The following INO80C variants were observed in gnomAD, a reference collection of about 807,000 sequenced individuals.
INO80C encodes the protein IES6 homolog.
INO80C carries 17 observed loss-of-function variants against 17.7 expected under a neutral mutation model. The ratio of observed to expected loss-of-function variants is 0.96; its 90% CI spans 0.66 to 1.44. The LOEUF (loss-of-function observed/expected upper bound fraction) is 1.44, where lower values mean the gene tolerates loss of function less well. Ranked by LOEUF, INO80C falls within the 40% of genes most tolerant of loss-of-function variation. The pLI is 0.00. For synonymous variants in INO80C, 96 were observed against 95.8 expected (o/e 1.00, Z -0.01); for missense variants, 244 against 245.0 (o/e 1.00, Z 0.03).
chr18:35,478,110 GC>G (rs1361131204), intron 4 of INO80C, among the ~76,000 whole-genome samples, 171 bp downstream of exon 4: 8 of 152,206 alleles, frequency 5.3e-5, no homozygotes, highest in Non-Finnish European at 1.0e-4. Flanking sequence ...CCTGCAGGCT[GC>G]CCCCACAGAT....
At chr18:35,479,999 T>A (rs1361174485) in intron 2 of INO80C, among the ~76,000 whole-genome samples, 1 of 151,780 alleles carries the variant, frequency 6.6e-6, no homozygotes, top group Non-Finnish European at 1.5e-5. Flanking sequence ...TAAAAAAAAA[T>A]TTAACAGTAT....
At chr18:35,494,606 G>A (rs748861991) in intron 1 of INO80C, among the ~76,000 whole-genome samples, 10 of 152,178 alleles carry the variant, frequency 6.6e-5, no homozygotes, top group Admixed American at 2.0e-4. Context: ...CAGTCCTGCC[G>A]CCCCAAAAGA....
At chr18:35,489,377 A>C (rs1421535487) in intron 1 of INO80C, 1 of 260,078 alleles carries the variant, frequency 3.8e-6, no homozygotes, top group African/African-American at 2.3e-5. Context: ...TGGAAGGCGA[A>C]AGGCACGTCT....
chr18:35,472,821 T>A lies in INO80C; in HGVS notation c.448-4079A>T, dbSNP rs9955099. Among the ~76,000 whole-genome samples the A allele has an allele frequency of 3.4e-3, 514 of 152,348 alleles. 2 individuals are homozygous for A. The highest frequency in any genetic ancestry group is 0.011 in the African/African-American group (471 of 41,572). On this transcript the variant is annotated intron_variant, in intron 4 of 4. Coordinates refer to ENST00000334598, the MANE Select transcript of INO80C (RefSeq NM_194281.4). ...GATGAGTCTTTCTCCTAATTACTAG[T>A]GAAGCTGAATATCTACTTATTGGTC... is the stretch of plus-strand genomic sequence containing the variant.
At position 35,468,530 on chromosome 18, in the gene INO80C, G is replaced by A. The variant is rs1210788747; in HGVS notation, c.*81C>T. 31 of 1,594,448 alleles carry A rather than the reference G, an allele frequency of 1.9e-5. No homozygotes were observed. Among genetic ancestry groups the A allele is most frequent in the South Asian group, 1.3e-4 (12 of 89,816 alleles). On this transcript the variant is annotated 3_prime_UTR_variant, in exon 5 of 5. Coordinates refer to ENST00000334598, the MANE Select transcript of INO80C (RefSeq NM_194281.4). ...GGCATTTTCAGATTGACAGCAGAAC[G>A]AGTTTGTTTCCGTGAAACAAAATCA...
chr18:35,490,902 G>A (rs1022298774), intron 1 of INO80C, among the ~76,000 whole-genome samples: 5 of 152,026 alleles, frequency 3.3e-5, no homozygotes, highest in East Asian at 1.9e-4. Flanking sequence ...CTAGGACTAC[G>A]GGTGCACACT....
chr18:35,497,642 C>A, intron 1 of INO80C, 77 bp downstream of exon 1: 1 of 1,523,776 alleles, frequency 6.6e-7, no homozygotes, highest in South Asian at 1.2e-5. Flanking sequence ...ACATTACGCA[C>A]GCGCCCTGGC....
At chr18:35,479,094 C>T (rs1009208489) in intron 3 of INO80C, 1 of 464,278 alleles carries the variant, frequency 2.2e-6, no homozygotes, top group Middle Eastern at 5.1e-4. Context: ...AACCACACAT[C>T]CATGACAACA....
chr18:35,478,457 T>C, intron 3 of INO80C, 108 bp from the exon 4 acceptor site: 2 of 860,652 alleles, frequency 2.3e-6, no homozygotes, highest in Non-Finnish European at 3.5e-6. Context: ...AAATTTCCTT[T>C]GTGATTAAGT....
intron 1 of INO80C, among the ~76,000 whole-genome samples, chr18:35,495,975 G>A (rs1249311183): frequency 1.3e-5 from 2 of 152,120 alleles, no homozygotes; most frequent in Non-Finnish European, 2.9e-5. Flanking sequence ...CAACAAAATG[G>A]CTAAAAGTTA....
chr18:35,495,239 G>C (rs916710971), intron 1 of INO80C, among the ~76,000 whole-genome samples: 5 of 152,188 alleles, frequency 3.3e-5, no homozygotes, highest in Non-Finnish European at 7.3e-5. Context: ...GACGAGCTTG[G>C]GTTATGTGGT....
chr18:35,495,732 C>T (rs771804693), intron 1 of INO80C, among the ~76,000 whole-genome samples: 27 of 152,292 alleles, frequency 1.8e-4, no homozygotes, highest in South Asian at 4.1e-4. Context: ...ACGCACCAGT[C>T]GCAGGCTGGG....
intron 1 of INO80C, among the ~76,000 whole-genome samples, chr18:35,495,185 T>C (rs2045969160): frequency 6.6e-6 from 1 of 152,176 alleles, no homozygotes; most frequent in African/African-American, 2.4e-5. Flanking sequence ...TCCCTAAACT[T>C]TGGGAGGCCA....
At chr18:35,488,217 C>G (rs2045896800) in intron 1 of INO80C, among the ~76,000 whole-genome samples, 1 of 152,328 alleles carries the variant, frequency 6.6e-6, no homozygotes, top group African/African-American at 2.4e-5. Context: ...TCTCACAGCT[C>G]CGCTAGGCAG....
At chr18:35,469,775 T>C (rs369228401) in intron 4 of INO80C, among the ~76,000 whole-genome samples, 9 of 152,326 alleles carry the variant, frequency 5.9e-5, no homozygotes, top group East Asian at 5.8e-4. Context: ...TGCTTATCAT[T>C]GTAGACTGGC....
At chr18:35,475,571 G>A (rs2045725405) in intron 4 of INO80C, among the ~76,000 whole-genome samples, 1 of 152,110 alleles carries the variant, frequency 6.6e-6, no homozygotes, top group South Asian at 2.1e-4. Context: ...TTGGGAGGCT[G>A]AGGTAGATGC....
intron 3 of INO80C, 62 bp downstream of exon 3, chr18:35,479,238 T>A: frequency 9.9e-7 from 1 of 1,012,678 alleles, no homozygotes. Flanking sequence ...ATAATGTAGG[T>A]TGTTATAAGA....
intron 4 of INO80C, among the ~76,000 whole-genome samples, chr18:35,474,997 A>C (rs2045717909): frequency 6.6e-6 from 1 of 152,228 alleles, no homozygotes; most frequent in Non-Finnish European, 1.5e-5. Context: ...GGAAAAAGAC[A>C]AGGCAAAAGA....
chr18:35,484,515 G>T (rs1351645005), intron 1 of INO80C, among the ~76,000 whole-genome samples: 2 of 152,134 alleles, frequency 1.3e-5, no homozygotes, highest in African/African-American at 4.8e-5. Flanking sequence ...GAAGACATTT[G>T]GTGGGGGAAA....
Sources: gnomAD v4.1 joint callset for allele counts (sites outside exome capture counted in the v4.1 genomes callset) on GRCh38, gnomAD v4.1.1 for gene constraint, MANE v1.5 for transcripts, NCBI Gene and HGNC (gene_info 2026-07-23, HGNC 2026-07-21) for gene names.